Variants in ABCC12 observed in about 807,000 individuals in gnomAD.
The protein encoded by ABCC12 is ATP binding cassette subfamily C member 12, also known as ATP-binding cassette sub-family C member 12.
A neutral mutation model predicts 151.1 loss-of-function variants in ABCC12; 142 were observed. The ratio of observed to expected loss-of-function variants is 0.94; its 90% CI spans 0.82 to 1.08. ABCC12 has a LOEUF of 1.08. Among genes scored for constraint, ABCC12 ranks in the 50% least tolerant of loss-of-function variants. The pLI, the probability that ABCC12 is intolerant of heterozygous loss-of-function variation, is 0.00. For synonymous variants in ABCC12, 645 were observed against 646.4 expected, an observed-to-expected ratio of 1.00 and a Z score of 0.03; for missense variants, 1,638 against 1,691.1, an observed-to-expected ratio of 0.97 and a Z score of 0.55.
intron 9 of ABCC12, among the ~76,000 whole-genome samples, chr16:48,131,936 C>T (rs79861168): frequency 0.022 from 3,361 of 152,264 alleles, 124 homozygotes; most frequent in African/African-American, 0.077. Flanking sequence ...GCTGACAGAG[C>T]GCATGGGCAG....
At chr16:48,090,299 C>T (rs1255079988) in intron 25 of ABCC12, among the ~76,000 whole-genome samples, 1 of 152,024 alleles carries the variant, frequency 6.6e-6, no homozygotes, top group African/African-American at 2.4e-5. Flanking sequence ...ATCATCACAG[C>T]TTACTGCAGC....
intron 13 of ABCC12, among the ~76,000 whole-genome samples, chr16:48,119,914 C>T (rs888408938): frequency 2.0e-5 from 3 of 152,182 alleles, no homozygotes; most frequent in Non-Finnish European, 2.9e-5. Context: ...GGAGGGTCAA[C>T]TCGCCTCTCT....
At chr16:48,142,633 T>A (rs542030990) in intron 4 of ABCC12, among the ~76,000 whole-genome samples, 1 of 152,336 alleles carries the variant, frequency 6.6e-6, no homozygotes. Flanking sequence ...TAGGAGGCCA[T>A]GACTAACACT....
chr16:48,089,116 G>C (rs963793343), intron 25 of ABCC12, among the ~76,000 whole-genome samples: 4 of 152,168 alleles, frequency 2.6e-5, no homozygotes, highest in African/African-American at 9.7e-5. Context: ...CAGGTTGGGG[G>C]AATAGCTAGC....
intron 13 of ABCC12, among the ~76,000 whole-genome samples, chr16:48,120,754 C>T (rs1449341791): frequency 6.6e-6 from 1 of 152,076 alleles, no homozygotes; most frequent in African/African-American, 2.4e-5. Context: ...CAGGGTTTCA[C>T]CATGTTGGTC....
intron 15 of ABCC12, among the ~76,000 whole-genome samples, chr16:48,114,076 G>A (rs752662513): frequency 1.3e-5 from 2 of 152,188 alleles, no homozygotes; most frequent in Admixed American, 6.5e-5. Context: ...TCCTAACTCA[G>A]AAGAAGAACT....
chr16:48,132,999 C>T (rs950910882), intron 9 of ABCC12, among the ~76,000 whole-genome samples: 9 of 152,200 alleles, frequency 5.9e-5, no homozygotes, highest in Non-Finnish European at 1.3e-4. Flanking sequence ...CCCAACACCA[C>T]TACTTCTCTT....
At chr16:48,104,420 C>T (rs1207896018) in intron 21 of ABCC12, 52 bp from the exon 22 acceptor site, 1 of 1,528,684 alleles carries the variant, frequency 6.5e-7, no homozygotes, top group Admixed American at 1.7e-5. Flanking sequence ...GCTTAGTAAA[C>T]CCTGCTGCTC....
chr16:48,121,415 C>T (rs1964062331), intron 13 of ABCC12: 1 of 252,294 alleles, frequency 4.0e-6, no homozygotes, highest in Non-Finnish European at 7.6e-6. Context: ...ATTCACTTTT[C>T]TCTAGTCAGA....
chr16:48,115,478 A>G lies in ABCC12; in HGVS notation c.1926T>C (p.Phe642=). Residue 642 remains phenylalanine (F), a synonymous_variant, in exon 15 of 31, where the codon TTT becomes TTC. Coordinates refer to ENST00000311303, the MANE Select transcript of ABCC12 (RefSeq NM_001393797.1). The part of the protein sequence containing the change: ...AVDAHVGKHV[F]EECIKKTLRG... ...TGAGCGTCTTCTTAATGCACTCCTC[A>G]AAGACGTGCTTCCCCACGTGGGCGT... 1 of 1,614,162 alleles carries G rather than the reference A, an allele frequency of 6.2e-7. No homozygotes were observed.
chr16:48,137,177 T>C (rs1283224380), intron 8 of ABCC12, among the ~76,000 whole-genome samples: 1 of 151,266 alleles, frequency 6.6e-6, no homozygotes, highest in Non-Finnish European at 1.5e-5. Context: ...TGGGTGGGAG[T>C]GGAATGGAGA....
At chr16:48,120,250 A>T (rs1411938208) in intron 13 of ABCC12, among the ~76,000 whole-genome samples, 1 of 152,254 alleles carries the variant, frequency 6.6e-6, no homozygotes, top group Non-Finnish European at 1.5e-5. Context: ...TCTCATTTAT[A>T]CATGGGAGCT....
chr16:48,108,797 G>C lies in ABCC12; in HGVS notation c.2282-268C>G, dbSNP rs545474049. ...ATATGGTCAGTCCTGAGGATGCAAG[G>C]ATTGTCTTGGTGTATTTCTCCTAGA... On this transcript the variant is annotated intron_variant, in intron 18 of 30. Coordinates refer to ENST00000311303, the MANE Select transcript of ABCC12 (RefSeq NM_001393797.1). 5.9e-5 allele frequency among the ~76,000 whole-genome samples: 9 copies of C among 152,290 alleles called. No individual in the cohort carries two copies. In the South Asian group the frequency reaches 1.9e-3, roughly 32 times the overall value.
At position 48,130,915 on chromosome 16, in the gene ABCC12, T is replaced by C. The variant is rs1204403238; in HGVS notation, c.1129-20A>G. 2.6e-6 allele frequency: 4 copies of C among 1,566,264 alleles called. No homozygotes were observed. In the Admixed American group the frequency reaches 5.0e-5, roughly 20 times the overall value. ...AAATGCCTGAAGAACAAAAGAGAAGTATGAGGGTTTAGAAGGAGAAGTCAC... is the reference window on the plus strand; with the variant it reads ...AAATGCCTGAAGAACAAAAGAGAAGCATGAGGGTTTAGAAGGAGAAGTCAC... On this transcript the variant is annotated intron_variant, in intron 9 of 30. Transcript: ENST00000311303.
chr16:48,091,837 C>G (rs548490025), intron 24 of ABCC12, among the ~76,000 whole-genome samples: 1 of 152,328 alleles, frequency 6.6e-6, no homozygotes, highest in South Asian at 2.1e-4. Flanking sequence ...TGTCCATTTC[C>G]TAATCCCTGG....
chr16:48,084,152 AAAG>A (rs1438619439), intron 29 of ABCC12, 79 bp from the exon 30 acceptor site: 64 of 1,401,062 alleles, frequency 4.6e-5, no homozygotes, highest in African/African-American at 3.6e-4. Flanking sequence ...ACTTTAAAAA[AAAG>A]AAGAAGAAGA....
intron 18 of ABCC12, 56 bp downstream of exon 18, chr16:48,111,380 G>T (rs41280923): frequency 0.017 from 26,316 of 1,575,362 alleles, 374 homozygotes; most frequent in Non-Finnish European, 0.018. Context: ...ATCCCAAACG[G>T]TAGATGCCCA....
At chr16:48,084,217 A>C (rs1962485844) in intron 29 of ABCC12, 144 bp from the exon 30 acceptor site, 1 of 837,646 alleles carries the variant, frequency 1.2e-6, no homozygotes, top group Non-Finnish European at 1.8e-6. Flanking sequence ...ATCTCAAAAA[A>C]GAAAATGAGA....
At chr16:48,136,271 C>T (rs1057409221) in intron 8 of ABCC12, among the ~76,000 whole-genome samples, 10 of 152,150 alleles carry the variant, frequency 6.6e-5, no homozygotes, top group Non-Finnish European at 1.5e-4. Flanking sequence ...GGCCTCTGCT[C>T]CTCCCTAAGT....
Sources: allele counts gnomAD v4.1 joint callset (sites outside exome capture counted in the v4.1 genomes callset), GRCh38; gene constraint gnomAD v4.1.1; transcripts MANE v1.5; gene names NCBI Gene and HGNC (gene_info 2026-07-23, HGNC 2026-07-21).